The following ADAMTS2 variants were observed in gnomAD, a reference collection of about 807,000 sequenced individuals.
The protein encoded by ADAMTS2 is ADAM metallopeptidase with thrombospondin type 1 motif 2.
ADAMTS2 carries 50 observed loss-of-function variants against 123.0 expected under a neutral mutation model. That is an observed-to-expected ratio of 0.41 (90% confidence interval 0.32 to 0.51). The LOEUF is 0.51. ADAMTS2 is among the 20% of genes least tolerant of loss of function. The probability of loss-of-function intolerance (pLI) is 0.35; values close to 1 mark genes in which losing one functional copy is unlikely to be tolerated. For missense variants in ADAMTS2, 1,494 were observed against 1,705.2 expected (o/e 0.88, Z 2.18); for synonymous variants, 678 against 695.4 (o/e 0.98, Z 0.39).
chr5:179,122,684 A>G lies in ADAMTS2; in HGVS notation c.3048T>C (p.Arg1016=), dbSNP rs780184702. 5 of 1,551,450 alleles carry G rather than the reference A, an allele frequency of 3.2e-6. No homozygotes were observed. Among genetic ancestry groups the G allele is most frequent in the Non-Finnish European group, 4.4e-6 (5 of 1,147,502 alleles). The change falls in exon 20 of 22, where the codon CGT becomes CGC. Residue 1016 remains arginine (R), a synonymous_variant. Transcript: ENST00000251582. ...DDSFGICQEE[R]PETARTCRLG... is the part of the protein sequence containing the mutation. Reference sequence around the variant, plus strand: ...GCCTGCAGGTCCTCGCTGTCTCAGGACGCTCCTCCTGGCAGATGCCGAAGC... The same window carrying G: ...GCCTGCAGGTCCTCGCTGTCTCAGGGCGCTCCTCCTGGCAGATGCCGAAGC...
At chr5:179,255,083 ATGAG>A (rs1766016190) in intron 3 of ADAMTS2, among the ~76,000 whole-genome samples, 1 of 152,240 alleles carries the variant, frequency 6.6e-6, no homozygotes, top group East Asian at 1.9e-4. Context: ...GGGTAGATGG[ATGAG>A]TAAGTAGATG....
At chr5:179,343,549 C>A (rs1042245919) in intron 2 of ADAMTS2, among the ~76,000 whole-genome samples, 8 of 152,226 alleles carry the variant, frequency 5.3e-5, no homozygotes, top group African/African-American at 1.4e-4. Flanking sequence ...GAGACCCGGG[C>A]GCTCCCCATG....
intron 4 of ADAMTS2, among the ~76,000 whole-genome samples, chr5:179,196,813 G>A (rs770096118): frequency 1.3e-5 from 2 of 152,232 alleles, no homozygotes; most frequent in Non-Finnish European, 2.9e-5. Flanking sequence ...TATGGTTTCT[G>A]TTGCAACTAC....
intron 3 of ADAMTS2, among the ~76,000 whole-genome samples, chr5:179,210,906 T>C (rs575703751): frequency 2.6e-5 from 4 of 152,368 alleles, no homozygotes; most frequent in African/African-American, 4.8e-5. Context: ...TTTTCCCACA[T>C]TGGGCTTAAC....
chr5:179,224,881 G>A (rs114127642), intron 3 of ADAMTS2, among the ~76,000 whole-genome samples: 3,881 of 152,194 alleles, frequency 0.026, 175 homozygotes, highest in African/African-American at 0.087. Flanking sequence ...TCGGCTCCAC[G>A]CCCTGAGCAA....
At chr5:179,205,770 T>TTATTATTA (rs1325189694) in intron 4 of ADAMTS2, among the ~76,000 whole-genome samples, 3 of 149,822 alleles carry the variant, frequency 2.0e-5, no homozygotes, top group African/African-American at 7.3e-5. Context: ...ATTATTATTA[T>TTATTATTA]TATTATTATT....
intron 18 of ADAMTS2, 50 bp downstream of exon 18, chr5:179,125,948 T>TGGCCCCTGGC: frequency 6.2e-7 from 1 of 1,611,312 alleles, no homozygotes; most frequent in Non-Finnish European, 8.5e-7. Flanking sequence ...GAGCCCCTGG[T>TGGCCCCTGGC]GGCCCCTGGC....
chr5:179,341,898 A>G (rs1280309340), intron 2 of ADAMTS2, among the ~76,000 whole-genome samples: 1 of 152,034 alleles, frequency 6.6e-6, no homozygotes, highest in East Asian at 1.9e-4. Flanking sequence ...AGGCCAATCC[A>G]CACCTGGTAC....
rs1766192558 is a variant in ADAMTS2 at position 179,260,593 on chromosome 5, T to C, written c.688+12318A>G. On this transcript the variant is annotated intron_variant, in intron 3 of 21. Transcript: ENST00000251582. This position sits in a 1 kb window ranked among gnomAD's most constrained non-coding sequence, Gnocchi z 4.2. ...GCACTGCACTGGGTGTCAGCAGCCC[T>C]GGGTTCTAAGCCTGCTCCTCCCTCC... Among the ~76,000 whole-genome samples, 1 of 152,116 alleles carries C rather than the reference T, an allele frequency of 6.6e-6. No homozygotes were observed. Among genetic ancestry groups the C allele is most frequent in the Non-Finnish European group, 1.5e-5 (1 of 68,012 alleles).
chr5:179,298,437 C>T (rs933753329), intron 2 of ADAMTS2, among the ~76,000 whole-genome samples: 3 of 152,178 alleles, frequency 2.0e-5, no homozygotes, highest in African/African-American at 7.2e-5. Context: ...AGCAAGAAGG[C>T]CCCAGCTATG....
intron 5 of ADAMTS2, among the ~76,000 whole-genome samples, chr5:179,167,357 G>C (rs1247990116): frequency 1.3e-5 from 2 of 152,074 alleles, no homozygotes; most frequent in African/African-American, 2.4e-5. Flanking sequence ...CCGCACCCGG[G>C]CTCCCGGGGC....
rs546209338 is a variant in ADAMTS2, at chr5:179,274,323, T to A, written c.535-1259A>T. ...AAGCTTATGACCCATGCAGGGGATT[T>A]TAAAAGCTTGAATTTGTTGCCAAAC... On this transcript the variant is annotated intron_variant, in intron 2 of 21. Coordinates refer to ENST00000251582, the MANE Select transcript of ADAMTS2 (RefSeq NM_014244.5). 2.2e-4 allele frequency among the ~76,000 whole-genome samples: 33 copies of A among 152,350 alleles called. 1 individual carries two copies. In the South Asian group the frequency reaches 6.0e-3, roughly 28 times the overall value.
At chr5:179,229,882 CT>C (rs985147150) in intron 3 of ADAMTS2, among the ~76,000 whole-genome samples, 13 of 152,208 alleles carry the variant, frequency 8.5e-5, no homozygotes, top group African/African-American at 3.1e-4. Context: ...GCGCATGCCC[CT>C]GTCAGCTGGC....
intron 3 of ADAMTS2, among the ~76,000 whole-genome samples, chr5:179,251,602 G>A (rs556388509): frequency 6.6e-6 from 1 of 152,268 alleles, no homozygotes; most frequent in Non-Finnish European, 1.5e-5. Context: ...GACACTACGT[G>A]CAGGACATTT....
Position 179,344,086 on chromosome 5 carries a change from G to A in ADAMTS2, c.215C>T (p.Ser72Phe). The change falls in exon 2 of 22, where the codon TCC (serine) becomes TTC (phenylalanine). Residue 72 changes from serine (S) to phenylalanine (F), a missense_variant. Physicochemically the swap from Ser to Phe is radical, Grantham distance 155. Around this residue, in one of 6 missense-constraint regions of ADAMTS2, gnomAD observed 237 missense variants for 233.7 expected, o/e 1.01. Coordinates refer to ENST00000251582, the MANE Select transcript of ADAMTS2 (RefSeq NM_014244.5). ...GGACGTAGCTGCCGACACCACGTGG[G>A]ACACCAAGCGGCCCTGGGCGTCAGT... ...VRTDAQGRLV[S>F]HVVSAATSRA... 6.2e-7 allele frequency: 1 copy of A among 1,610,720 alleles called. No homozygotes were observed. The highest frequency in any genetic ancestry group is 8.5e-7 in the Non-Finnish European group (1 of 1,178,728).
At chr5:179,243,761 A>G (rs148842929) in intron 3 of ADAMTS2, among the ~76,000 whole-genome samples, 3 of 152,366 alleles carry the variant, frequency 2.0e-5, no homozygotes, top group African/African-American at 7.2e-5. Flanking sequence ...CATTGGAAAT[A>G]TGTCTTTGAA....
At chr5:179,266,678 G>C (rs919970232) in intron 3 of ADAMTS2, among the ~76,000 whole-genome samples, 1 of 152,224 alleles carries the variant, frequency 6.6e-6, no homozygotes, top group African/African-American at 2.4e-5. Context: ...GATGGACGTC[G>C]ACAGCTACAG....
chr5:179,139,308 C>A (rs1581148006), intron 11 of ADAMTS2, among the ~76,000 whole-genome samples: 1 of 151,862 alleles, frequency 6.6e-6, no homozygotes, highest in South Asian at 2.1e-4. Flanking sequence ...GAGCACGGGC[C>A]CGGGAGATAT....
rs1762985710 is a variant in ADAMTS2, at chr5:179,132,692, C to A, written c.2209+85G>T. 6.3e-7 allele frequency: 1 copy of A among 1,588,912 alleles called. No individual in the cohort carries two copies. Among genetic ancestry groups the A allele is most frequent in the African/African-American group, 1.3e-5 (1 of 74,558 alleles). ...GAACAGTCATAAGCCCGGACAGCCC[C>A]AGGATGAGTCAGGCCCTCAGCTGTC... On this transcript the variant is annotated intron_variant, in intron 14 of 21. Transcript: ENST00000251582. This position sits in a 1 kb window ranked among gnomAD's most constrained non-coding sequence, Gnocchi z 6.1.
Sources: allele counts gnomAD v4.1 joint callset (sites outside exome capture counted in the v4.1 genomes callset), GRCh38; gene constraint gnomAD v4.1.1; regional missense constraint gnomAD v4.1.1; non-coding constraint Gnocchi (gnomAD v3.1); transcripts MANE v1.5; gene names NCBI Gene and HGNC (gene_info 2026-07-23, HGNC 2026-07-21).